The following PTPN1 variants were observed in gnomAD, a reference collection of about 807,000 sequenced individuals.
The protein encoded by PTPN1 is tyrosine-protein phosphatase non-receptor type 1.
Under a neutral mutation model 59.9 loss-of-function variants are expected in PTPN1, and 12 were observed. The ratio of observed to expected loss-of-function variants is 0.20; its 90% CI spans 0.13 to 0.32. PTPN1 has a LOEUF of 0.32. Ranked by LOEUF, PTPN1 falls within the 10% of genes least tolerant of loss-of-function variation. The pLI, the probability that PTPN1 is intolerant of heterozygous loss-of-function variation, is 1.00. For synonymous variants in PTPN1, 178 were observed against 203.6 expected (o/e 0.87, Z 1.07); for missense variants, 356 against 549.2 (o/e 0.65, Z 3.52).
intron 1 of PTPN1, among the ~76,000 whole-genome samples, chr20:50,517,992 A>G (rs1399184605): frequency 1.3e-5 from 2 of 152,236 alleles, no homozygotes; most frequent in Admixed American, 6.5e-5. Context: ...CAAAGATAAG[A>G]TGAGCATAGC....
intron 5 of PTPN1, among the ~76,000 whole-genome samples, chr20:50,576,371 G>C (rs2082836915): frequency 6.6e-6 from 1 of 152,166 alleles, no homozygotes; most frequent in South Asian, 2.1e-4. Context: ...AGGTTTTGAT[G>C]TTAGGATCTG....
In PTPN1 at chr20:50,510,442, C is replaced by T. The variant is rs2082500793; in HGVS notation, c.-86C>T. On this transcript the variant is annotated 5_prime_UTR_variant, in exon 1 of 10. Coordinates refer to ENST00000371621, the MANE Select transcript of PTPN1 (RefSeq NM_002827.4). ...TGCAGGGGTCGGGGATTGCAGCGGG[C>T]CTCGGGGCTAAGAGCGCGACGCGGC... is the stretch of plus-strand genomic sequence containing the variant. The T allele has an allele frequency of 4.1e-5, 59 of 1,435,042 alleles. No homozygotes were observed. The highest frequency in any genetic ancestry group is 5.6e-5 in the Non-Finnish European group (59 of 1,058,470). 88.9% of individuals were successfully genotyped at this position (1,435,042 alleles called of 1,614,324 possible). A position where few individuals can be genotyped will look rare whatever the true frequency, so the allele number is the denominator to read the frequency against.
intron 1 of PTPN1, among the ~76,000 whole-genome samples, chr20:50,523,588 T>C (rs2082560688): frequency 1.3e-5 from 2 of 152,192 alleles, no homozygotes; most frequent in African/African-American, 4.8e-5. Context: ...AAATAATACA[T>C]GAACAGCTAC....
intron 1 of PTPN1, among the ~76,000 whole-genome samples, chr20:50,531,769 C>T (rs112490119): frequency 2.6e-4 from 40 of 152,286 alleles, no homozygotes; most frequent in South Asian, 2.5e-3. Flanking sequence ...CTCTGGCCCC[C>T]GGTCGCTCTC....
At chr20:50,520,818 T>C (rs908771963) in intron 1 of PTPN1, among the ~76,000 whole-genome samples, 7 of 152,250 alleles carry the variant, frequency 4.6e-5, no homozygotes, top group African/African-American at 7.2e-5. Context: ...GTTCTGACTC[T>C]GCCTTTGACT....
At chr20:50,520,910 T>G (rs1428195131) in intron 1 of PTPN1, among the ~76,000 whole-genome samples, 1 of 152,182 alleles carries the variant, frequency 6.6e-6, no homozygotes, top group Non-Finnish European at 1.5e-5. Context: ...TAGCATTACC[T>G]AGATGTAACT....
chr20:50,563,327 GCTGGTGAT>G (rs2082762022), intron 2 of PTPN1, among the ~76,000 whole-genome samples: 1 of 152,178 alleles, frequency 6.6e-6, no homozygotes, highest in East Asian at 1.9e-4. Context: ...TCACAGTGCT[GCTGGTGAT>G]GACAGCAGTC....
chr20:50,578,552 G>A lies in PTPN1; in HGVS notation c.625G>A (p.Gly209Arg), dbSNP rs1224554949. 2.5e-6 allele frequency: 4 copies of A among 1,614,188 alleles called. No homozygotes were observed. The highest frequency in any genetic ancestry group is 1.3e-5 in the African/African-American group (1 of 75,052). Residue 209 changes from glycine (G) to arginine (R), a missense_variant, in exon 6 of 10, where the codon GGG becomes AGG. Gly to Arg is a moderately radical substitution (Grantham distance 125, BLOSUM62 -2). This residue lies in a region of PTPN1 where 194 missense variants were observed against 344.2 expected (regional missense o/e 0.56). Coordinates refer to ENST00000371621, the MANE Select transcript of PTPN1 (RefSeq NM_002827.4). ...GTCAGGGTCACTCAGCCCGGAGCAC[G>A]GGCCCGTTGTGGTGCACTGCAGTGC... ...RESGSLSPEH[G>R]PVVVHCSAGI...
rs1483657922 is a variant in PTPN1, at chr20:50,585,069, G to GT, written c.*2358dup. On this transcript the variant is annotated 3_prime_UTR_variant, in exon 10 of 10. Coordinates refer to ENST00000371621, the MANE Select transcript of PTPN1 (RefSeq NM_002827.4). ...TTACCAGTGTTGTTTGAAGAACAGT[G>GT]TTTTGAGTTGTAATCTCAAAACCAT... The GT allele has an allele frequency of 6.6e-6, 1 of 152,136 alleles. No homozygotes were observed. Among genetic ancestry groups the GT allele is most frequent in the Non-Finnish European group, 1.5e-5 (1 of 68,024 alleles). The allele number at this position is 152,136 out of a possible 1,614,324, so 9.4% of individuals were successfully genotyped here. A position where few individuals can be genotyped will look rare whatever the true frequency, so the allele number is the denominator to read the frequency against.
At chr20:50,531,789 T>C (rs938845597) in intron 1 of PTPN1, among the ~76,000 whole-genome samples, 2 of 152,204 alleles carry the variant, frequency 1.3e-5, no homozygotes, top group South Asian at 2.1e-4. Flanking sequence ...CTGTGTGTTA[T>C]TGAGTCCCCA....
At chr20:50,546,766 A>G (rs967977959) in intron 1 of PTPN1, among the ~76,000 whole-genome samples, 11 of 152,194 alleles carry the variant, frequency 7.2e-5, no homozygotes, top group Non-Finnish European at 1.5e-5. Context: ...TTCCTATGAT[A>G]CCTTTCTCCC....
chr20:50,568,536 C>G lies in PTPN1; in HGVS notation c.354+58C>G, dbSNP rs769821320. The G allele has an allele frequency of 4.6e-6, 6 of 1,296,288 alleles. No homozygotes were observed. The South Asian group carries it at 6.1e-5, about 13-fold the overall frequency. The allele number at this position is 1,296,288 out of a possible 1,614,324, so 80.3% of individuals were successfully genotyped here. ...TCATGCATACCACTCCATATAGTTA[C>G]CATTTTCGTCCAGATTTTTAAATTA... On this transcript the variant is annotated intron_variant, in intron 4 of 9. Transcript: ENST00000371621. This position sits in a 1 kb window ranked among gnomAD's most constrained non-coding sequence, Gnocchi z 5.6.
At chr20:50,544,471 G>A (rs1255041711) in intron 1 of PTPN1, among the ~76,000 whole-genome samples, 1 of 152,122 alleles carries the variant, frequency 6.6e-6, no homozygotes, top group Non-Finnish European at 1.5e-5. Flanking sequence ...TTTTAAATGT[G>A]CAAACAGATA....
At chr20:50,539,327 C>T (rs551225841) in intron 1 of PTPN1, among the ~76,000 whole-genome samples, 97 of 152,254 alleles carry the variant, frequency 6.4e-4, no homozygotes, top group African/African-American at 1.9e-3. Flanking sequence ...TGAGCCACCG[C>T]GCCCAGCCTC....
chr20:50,516,755 G>T (rs1023930470), intron 1 of PTPN1, among the ~76,000 whole-genome samples: 3 of 152,166 alleles, frequency 2.0e-5, no homozygotes, highest in African/African-American at 7.2e-5. Flanking sequence ...CAATTGGGTG[G>T]CTTTTCCTGT....
At chr20:50,558,468 A>G (rs1053146432) in intron 1 of PTPN1, among the ~76,000 whole-genome samples, 2 of 152,214 alleles carry the variant, frequency 1.3e-5, no homozygotes, top group Non-Finnish European at 2.9e-5. Context: ...TGTATTTTAC[A>G]CTTACAGAAC....
intron 5 of PTPN1, among the ~76,000 whole-genome samples, chr20:50,576,198 G>A (rs180979447): frequency 6.6e-6 from 1 of 152,300 alleles, no homozygotes; most frequent in African/African-American, 2.4e-5. Context: ...ATGTGCTAGA[G>A]GATTTATGCA....
chr20:50,578,685 G>C (rs148476912), intron 6 of PTPN1, 56 bp downstream of exon 6: 2 of 1,456,398 alleles, frequency 1.4e-6, no homozygotes, highest in African/African-American at 2.8e-5. Flanking sequence ...CTGCTGTGAT[G>C]TTTTTTCCTA....
chr20:50,556,560 ATAAG>A lies in PTPN1; in HGVS notation c.64-4798_64-4795del, dbSNP rs763577476. ...TACCTGCCCTTTTACAGTTTTATAA[ATAAG>A]TAAGCAGAATAGCAGAATGTGGACA... On this transcript the variant is annotated intron_variant, in intron 1 of 9. Coordinates refer to ENST00000371621, the MANE Select transcript of PTPN1 (RefSeq NM_002827.4). Among the ~76,000 whole-genome samples the A allele has an allele frequency of 4.6e-5, 7 of 152,300 alleles. No homozygotes were observed. In the East Asian group the frequency reaches 1.3e-3, roughly 29 times the overall value.
Sources: allele counts gnomAD v4.1 joint callset (sites outside exome capture counted in the v4.1 genomes callset), GRCh38; gene constraint gnomAD v4.1.1; regional missense constraint gnomAD v4.1.1; non-coding constraint Gnocchi (gnomAD v3.1); transcripts MANE v1.5; gene names NCBI Gene and HGNC (gene_info 2026-07-23, HGNC 2026-07-21).